NSF: variants seen among roughly 807,000 people sequenced by gnomAD.
NSF encodes the protein vesicle-fusing ATPase.
A neutral mutation model predicts 50.3 loss-of-function variants in NSF; 14 were observed. The observed-to-expected ratio is 0.28, with a 90% CI of 0.18 to 0.44. The LOEUF is 0.44. Among genes scored for constraint, NSF ranks in the 20% least tolerant of loss-of-function variants. NSF has a pLI of 1.00. For missense variants in NSF, 218 were observed against 504.3 expected, an observed-to-expected ratio of 0.43 and a Z score of 5.44; for synonymous variants, 109 against 175.7, an observed-to-expected ratio of 0.62 and a Z score of 3.00.
intron 15 of NSF, chr17:46,721,924 G>A (rs1444047877): frequency 6.9e-6 from 11 of 1,591,170 alleles, no homozygotes; most frequent in African/African-American, 2.7e-5. Flanking sequence ...TCTCCAATTC[G>A]CGTACTAGCC....
At chr17:46,754,253 G>T (rs1162787853) in intron 19 of NSF, among the ~76,000 whole-genome samples, 2 of 144,588 alleles carry the variant, frequency 1.4e-5, no homozygotes, top group South Asian at 2.1e-4. Flanking sequence ...CTTTTTCTTA[G>T]TCCTTTGTAG....
intron 19 of NSF, among the ~76,000 whole-genome samples, chr17:46,754,192 T>C (rs1467460286): frequency 1.3e-5 from 2 of 149,884 alleles, no homozygotes; most frequent in African/African-American, 2.5e-5. Flanking sequence ...TTGATTCATA[T>C]GTAATTCTAT....
At chr17:46,707,365 A>G (rs910675873) in intron 13 of NSF, among the ~76,000 whole-genome samples, 3 of 151,902 alleles carry the variant, frequency 2.0e-5, no homozygotes, top group Non-Finnish European at 4.4e-5. Context: ...TTTTTTCTCA[A>G]TTTTGTATTG....
intron 17 of NSF, among the ~76,000 whole-genome samples, chr17:46,748,851 A>C (rs1262986178): frequency 2.0e-5 from 3 of 152,240 alleles, no homozygotes; most frequent in Non-Finnish European, 4.4e-5. Context: ...CAGTAAAACA[A>C]AATGTTGTCC....
chr17:46,727,620 G>C (rs1568049132), intron 16 of NSF, among the ~76,000 whole-genome samples: 2 of 152,066 alleles, frequency 1.3e-5, no homozygotes, highest in African/African-American at 4.8e-5. Context: ...TATCTGTGAG[G>C]TCTCCATAAA....
chr17:46,721,225 C>T (rs2058827652), intron 15 of NSF, among the ~76,000 whole-genome samples: 1 of 152,210 alleles, frequency 6.6e-6, no homozygotes. Context: ...CGTACCTCCA[C>T]CTTTGCATGC....
chr17:46,713,121 G>T (rs1204497688), intron 14 of NSF: 1 of 152,180 alleles, frequency 6.6e-6, no homozygotes, highest in Non-Finnish European at 1.5e-5. Context: ...GTTTTGAGGG[G>T]TATGATGTTC....
At chr17:46,737,339 C>T (rs1376196006) in intron 17 of NSF, among the ~76,000 whole-genome samples, 1 of 152,158 alleles carries the variant, frequency 6.6e-6, no homozygotes, top group Non-Finnish European at 1.5e-5. Context: ...ATATAGGATA[C>T]TTAGTTAAAT....
intron 1 of NSF, among the ~76,000 whole-genome samples, chr17:46,605,995 C>CAAAAAAAAAAAAA (rs59118188): frequency 2.0e-5 from 1 of 51,054 alleles, no homozygotes; most frequent in African/African-American, 1.0e-4. Context: ...ACTAAAAATA[C>CAAAAAAAAAAAAA]AAAAAAAAAA....
intron 17 of NSF, among the ~76,000 whole-genome samples, chr17:46,737,947 T>TTAG (rs1568055222): frequency 1.4e-5 from 2 of 146,080 alleles, no homozygotes; most frequent in African/African-American, 5.2e-5. Flanking sequence ...ATTATTATTA[T>TTAG]TATTAGAGAT....
chr17:46,719,413 T>A lies in NSF; in HGVS notation c.1761+5427T>A, dbSNP rs934625191. Among the ~76,000 whole-genome samples the A allele has an allele frequency of 4.7e-4, 71 of 152,322 alleles. No individual in the cohort carries two copies. Among genetic ancestry groups the A allele is most frequent in the African/African-American group, 1.7e-3 (69 of 41,576 alleles). On this transcript the variant is annotated intron_variant, in intron 15 of 20. Coordinates refer to ENST00000398238, the MANE Select transcript of NSF (RefSeq NM_006178.4). The surrounding 1 kb of genome is among the most constrained non-coding windows in gnomAD (Gnocchi z 4.3). ...TATACTATTGCCTCTTTTTCACAAATGGATGGTGCTAAAATACGTGAAAGT... is the reference window on the plus strand; with the variant it reads ...TATACTATTGCCTCTTTTTCACAAAAGGATGGTGCTAAAATACGTGAAAGT...
At chr17:46,694,229 A>C (rs113176338) in intron 11 of NSF, among the ~76,000 whole-genome samples, 1 of 137,152 alleles carries the variant, frequency 7.3e-6, no homozygotes, top group Non-Finnish European at 1.5e-5. Context: ...TACTAAAAAT[A>C]CAAAAAACTT....
chr17:46,735,203 A>G (rs2058988955), intron 17 of NSF, among the ~76,000 whole-genome samples: 2 of 152,226 alleles, frequency 1.3e-5, no homozygotes, highest in Admixed American at 1.3e-4. Flanking sequence ...AATAAATTAT[A>G]AGATATATAT....
rs527648535 is a variant in NSF at position 46,734,965 on chromosome 17, C to T, written c.1908+6031C>T. Reference sequence around the variant, plus strand: ...ATTCAGGAGGCTGAGGCAGGAGGATCGCTTGAGCCCATGAGTTCAAGACCG... The same window carrying T: ...ATTCAGGAGGCTGAGGCAGGAGGATTGCTTGAGCCCATGAGTTCAAGACCG... On this transcript the variant is annotated intron_variant, in intron 17 of 20. Coordinates refer to ENST00000398238, the MANE Select transcript of NSF (RefSeq NM_006178.4). 5.3e-5 allele frequency among the ~76,000 whole-genome samples: 8 copies of T among 152,222 alleles called. No individual in the cohort carries two copies. The East Asian group carries it at 5.8e-4, about 11-fold the overall frequency.
At chr17:46,708,348 A>C (rs1282957290) in intron 13 of NSF, among the ~76,000 whole-genome samples, 1 of 152,166 alleles carries the variant, frequency 6.6e-6, no homozygotes, top group Non-Finnish European at 1.5e-5. Context: ...CATGCTCACC[A>C]ACAAATTATT....
chr17:46,694,301 C>T (rs1474154897), intron 11 of NSF, among the ~76,000 whole-genome samples, 174 bp from the exon 12 acceptor site: 2 of 139,062 alleles, frequency 1.4e-5, no homozygotes, highest in Non-Finnish European at 3.0e-5. Context: ...ATAGGAGAAT[C>T]GCCTGAATCC....
In NSF at chr17:46,729,195, TG is replaced by T. The variant is rs202140145; in HGVS notation, c.1908+262del. ...CAATTAGCATTGTATTTTGTTGTTTTGTAAGTTTTCCACCATATTACATATC... is the reference window on the plus strand; with the variant it reads ...CAATTAGCATTGTATTTTGTTGTTTTTAAGTTTTCCACCATATTACATATC... On this transcript the variant is annotated intron_variant, in intron 17 of 20. Coordinates refer to ENST00000398238, the MANE Select transcript of NSF (RefSeq NM_006178.4). Among the ~76,000 whole-genome samples, 1,268 of 152,288 alleles carry T rather than the reference TG, an allele frequency of 8.3e-3. 6 individuals are homozygous for T. Among genetic ancestry groups the T allele is most frequent in the Non-Finnish European group, 0.014 (936 of 68,016 alleles).
chr17:46,708,562 G>T (rs1318112115), intron 13 of NSF, among the ~76,000 whole-genome samples: 2 of 146,532 alleles, frequency 1.4e-5, no homozygotes, highest in Non-Finnish European at 3.0e-5. Flanking sequence ...CACAATCTCG[G>T]CTCACTGCAA....
intron 9 of NSF, among the ~76,000 whole-genome samples, chr17:46,685,292 T>G (rs1195433875): frequency 1.3e-5 from 2 of 148,640 alleles, no homozygotes; most frequent in Non-Finnish European, 3.0e-5. Flanking sequence ...ATGATAAAAT[T>G]GAGTTAGCAA....
Sources: gnomAD v4.1 joint callset for allele counts (sites outside exome capture counted in the v4.1 genomes callset) on GRCh38, gnomAD v4.1.1 for gene constraint, Gnocchi (gnomAD v3.1) non-coding constraint, MANE v1.5 for transcripts, NCBI Gene and HGNC (gene_info 2026-07-23, HGNC 2026-07-21) for gene names.